Variants in DAB2IP observed in about 807,000 individuals in gnomAD.
DAB2IP encodes disabled homolog 2-interacting protein.
A neutral mutation model predicts 107.2 loss-of-function variants in DAB2IP; 28 were observed. The ratio of observed to expected loss-of-function variants is 0.26; its 90% CI spans 0.19 to 0.36. The LOEUF is 0.36. DAB2IP is among the 10% of genes least tolerant of loss of function. The pLI, the probability that DAB2IP is intolerant of heterozygous loss-of-function variation, is 1.00. For synonymous variants in DAB2IP, 755 were observed against 706.4 expected, an observed-to-expected ratio of 1.07 and a Z score of -1.09; for missense variants, 1,400 against 1,644.7, an observed-to-expected ratio of 0.85 and a Z score of 2.57.
At chr9:121,774,293 C>G (rs760472375) in exon 13 of DAB2IP, 1 of 1,613,412 alleles carries the variant, frequency 6.2e-7, no homozygotes, top group East Asian at 2.2e-5. Flanking sequence ...TGCCCTGGAC[C>G]GCACAGCCGC....
Position 121,776,406 on chromosome 9 carries a change from T to TGCCTG in DAB2IP, c.3314+24_3314+28dup, listed in dbSNP as rs1184019554. On this transcript the variant is annotated intron_variant, in intron 14 of 15. Transcript: ENST00000408936. The surrounding 1 kb of genome is among the most constrained non-coding windows in gnomAD (Gnocchi z 5.4). Reference sequence around the variant, plus strand: ...ATCATCAGCAGGTGGGGCCCACACCTGCCTGGCCTGGCCACAGGCACAGGC... The same window carrying TGCCTG: ...ATCATCAGCAGGTGGGGCCCACACCTGCCTGGCCTGGCCTGGCCACAGGCACAGGC... 1 of 1,513,174 alleles carries TGCCTG rather than the reference T, an allele frequency of 6.6e-7. No individual in the cohort carries two copies. The highest frequency in any genetic ancestry group is 2.5e-5 in the East Asian group (1 of 40,542). The allele number at this position is 1,513,174 out of a possible 1,614,324, so 93.7% of individuals were successfully genotyped here.
rs1022476226 is a variant in DAB2IP, at chr9:121,651,822, A to G, written c.47A>G (p.Tyr16Cys). The G allele has an allele frequency of 2.0e-6, 3 of 1,470,158 alleles. No individual in the cohort carries two copies. The highest frequency in any genetic ancestry group is 2.2e-5 in the Admixed American group (1 of 46,266). 91.1% of individuals were successfully genotyped at this position (1,470,158 alleles called of 1,614,324 possible). The change falls in exon 1 of 16, where the codon TAC (tyrosine) becomes TGC (cysteine). Residue 16 changes from tyrosine to cysteine, a missense_variant. Physicochemically the swap from Tyr to Cys is radical, Grantham distance 194 (BLOSUM62 -2). Coordinates refer to ENST00000408936, the Ensembl canonical transcript of DAB2IP. The surrounding 1 kb of genome is among the most constrained non-coding windows in gnomAD (Gnocchi z 5.1). ...AGGAAGAGCACCGGGAGGTCCTCCT[A>G]CTACTACCGGCTGCTGAGGCGGCCC... is the stretch of plus-strand genomic sequence containing the variant.
intron 1 of DAB2IP, among the ~76,000 whole-genome samples, chr9:121,570,518 G>A (rs1385560470): frequency 6.6e-6 from 1 of 151,964 alleles, no homozygotes; most frequent in Non-Finnish European, 1.5e-5. Flanking sequence ...TATGACTTGA[G>A]GATGGGAGGG....
At chr9:121,722,396 G>A (rs1231155876) in intron 3 of DAB2IP, among the ~76,000 whole-genome samples, 5 of 152,098 alleles carry the variant, frequency 3.3e-5, no homozygotes, top group African/African-American at 1.2e-4. Context: ...CTTCCTGTTC[G>A]GGGCCTGCAG....
chr9:121,666,010 A>G (rs2119102527), intron 1 of DAB2IP, among the ~76,000 whole-genome samples: 1 of 152,370 alleles, frequency 6.6e-6, no homozygotes, highest in South Asian at 2.1e-4. Context: ...TTATTGTCTT[A>G]CAGTTCTGGG....
intron 2 of DAB2IP, among the ~76,000 whole-genome samples, chr9:121,679,691 A>G (rs1249639207): frequency 6.6e-6 from 1 of 151,954 alleles, no homozygotes; most frequent in Non-Finnish European, 1.5e-5. Flanking sequence ...GGGTGGCAGG[A>G]ACAGAGAGTG....
intron 1 of DAB2IP, among the ~76,000 whole-genome samples, chr9:121,655,253 G>A (rs1435433770): frequency 6.6e-6 from 1 of 152,126 alleles, no homozygotes; most frequent in South Asian, 2.1e-4. Context: ...GATTTGGGGG[G>A]ATCCTTTCCC....
intron 1 of DAB2IP, among the ~76,000 whole-genome samples, chr9:121,672,012 T>G (rs1417502728): frequency 6.6e-6 from 1 of 152,242 alleles, no homozygotes; most frequent in Non-Finnish European, 1.5e-5. Context: ...TAATTGTTCT[T>G]CAAGCCCTTT....
At chr9:121,570,067 T>G (rs1462224775) in intron 1 of DAB2IP, among the ~76,000 whole-genome samples, 1 of 151,632 alleles carries the variant, frequency 6.6e-6, no homozygotes, top group Non-Finnish European at 1.5e-5. Context: ...GTGTTGGGAT[T>G]CTAGGCGTGA....
At chr9:121,722,440 G>C (rs757233504) in intron 3 of DAB2IP, among the ~76,000 whole-genome samples, 2 of 152,000 alleles carry the variant, frequency 1.3e-5, no homozygotes, top group Non-Finnish European at 1.5e-5. Context: ...GTTTCTCCCC[G>C]TCTGCCACTC....
chr9:121,585,230 A>G (rs573063338), intron 1 of DAB2IP, among the ~76,000 whole-genome samples: 2 of 152,158 alleles, frequency 1.3e-5, no homozygotes, highest in Non-Finnish European at 2.9e-5. Flanking sequence ...GCGAGGGGTC[A>G]ATGAGAGCAC....
At chr9:121,574,432 C>T (rs1374237227) in intron 1 of DAB2IP, among the ~76,000 whole-genome samples, 2 of 152,100 alleles carry the variant, frequency 1.3e-5, no homozygotes, top group African/African-American at 4.8e-5. Context: ...GCTGCCTGGG[C>T]CTCAGAAAAA....
At chr9:121,731,068 C>T (rs1421863649) in intron 3 of DAB2IP, among the ~76,000 whole-genome samples, 1 of 152,210 alleles carries the variant, frequency 6.6e-6, no homozygotes, top group Non-Finnish European at 1.5e-5. Flanking sequence ...CTCTAGGTCC[C>T]CTGTTGGTCC....
chr9:121,651,743 C>G lies in DAB2IP; in HGVS notation c.-33C>G. 1 of 1,266,326 alleles carries G rather than the reference C, an allele frequency of 7.9e-7. No individual in the cohort carries two copies. Among genetic ancestry groups the G allele is most frequent in the Non-Finnish European group, 1.0e-6 (1 of 1,002,488 alleles). 78.4% of individuals were successfully genotyped at this position (1,266,326 alleles called of 1,614,324 possible). On this transcript the variant is annotated 5_prime_UTR_variant, in exon 1 of 16. Transcript: ENST00000408936. The surrounding 1 kb of genome is among the most constrained non-coding windows in gnomAD (Gnocchi z 5.1). ...GCCGATGGGGCCCGTGTGAGCGCGC[C>G]CAGGCCCGGCCCGGTGCCCGGCGGG... is the stretch of plus-strand genomic sequence containing the variant.
intron 3 of DAB2IP, among the ~76,000 whole-genome samples, chr9:121,733,795 G>A (rs138715471): frequency 1.3e-5 from 2 of 152,234 alleles, no homozygotes; most frequent in South Asian, 2.1e-4. Context: ...GGGGAGCCTC[G>A]TGGAAGCAAG....
chr9:121,723,895 C>T (rs1291943552), intron 3 of DAB2IP, among the ~76,000 whole-genome samples: 2 of 152,112 alleles, frequency 1.3e-5, no homozygotes, highest in Non-Finnish European at 2.9e-5. Flanking sequence ...GATCAAGGTA[C>T]TTCATCATCA....
rs950537959 is a variant in DAB2IP, at chr9:121,635,560, C to A, written c.41-43118C>A. On this transcript the variant is annotated intron_variant, in intron 1 of 16. Coordinates refer to the DAB2IP transcript ENST00000259371. The surrounding 1 kb of genome is among the most constrained non-coding windows in gnomAD (Gnocchi z 4.3). Reference sequence around the variant, plus strand: ...GGCACTGGCTTTGCTGCCAACATGGCCTGTCTGCAGGGAAGAAGGCCACCT... The same window carrying A: ...GGCACTGGCTTTGCTGCCAACATGGACTGTCTGCAGGGAAGAAGGCCACCT... Among the ~76,000 whole-genome samples, 4 of 151,976 alleles carry A rather than the reference C, an allele frequency of 2.6e-5. No homozygotes were observed. Among genetic ancestry groups the A allele is most frequent in the African/African-American group, 9.7e-5 (4 of 41,344 alleles).
chr9:121,770,393 C>A (rs1015806251), intron 10 of DAB2IP, among the ~76,000 whole-genome samples, 153 bp from the exon 11 acceptor site: 1 of 152,216 alleles, frequency 6.6e-6, no homozygotes, highest in African/African-American at 2.4e-5. Flanking sequence ...GGGCTCACCC[C>A]CCTCCCAGAC....
At chr9:121,758,577 C>T (rs1243046776) in intron 4 of DAB2IP, among the ~76,000 whole-genome samples, 1 of 152,116 alleles carries the variant, frequency 6.6e-6, no homozygotes, top group Non-Finnish European at 1.5e-5. Flanking sequence ...TTCCCTCTTC[C>T]CATCTCAGGG....
Sources: allele counts gnomAD v4.1 joint callset (sites outside exome capture counted in the v4.1 genomes callset), GRCh38; gene constraint gnomAD v4.1.1; non-coding constraint Gnocchi (gnomAD v3.1); transcripts MANE v1.5; gene names NCBI Gene and HGNC (gene_info 2026-07-23, HGNC 2026-07-21).